The following MALRD1 variants were observed in gnomAD, a reference collection of about 807,000 sequenced individuals.
MALRD1 encodes MAM and LDL receptor class A domain containing 1, also known as MAM and LDL-receptor class A domain-containing protein 1.
Under a neutral mutation model 242.1 loss-of-function variants are expected in MALRD1, and 247 were observed. The observed-to-expected ratio is 1.02, with a 90% CI of 0.92 to 1.13. The LOEUF is 1.13. Among genes scored for constraint, MALRD1 ranks in the 50% most tolerant of loss-of-function variants. MALRD1 has a pLI of 0.00. For synonymous variants in MALRD1, 995 were observed against 866.6 expected (o/e 1.15, Z -2.60); for missense variants, 2,989 against 2,533.1 (o/e 1.18, Z -3.86).
At chr10:19,219,510 C>A (rs1837468573) in intron 18 of MALRD1, among the ~76,000 whole-genome samples, 1 of 152,052 alleles carries the variant, frequency 6.6e-6, no homozygotes, top group Non-Finnish European at 1.5e-5. Context: ...GTTCATAGTT[C>A]ACTGCAACCT....
intron 36 of MALRD1, among the ~76,000 whole-genome samples, chr10:19,618,166 C>CT (rs964669617): frequency 1.3e-5 from 2 of 151,790 alleles, no homozygotes; most frequent in South Asian, 2.1e-4. Context: ...GAATCTAATT[C>CT]TTTTTTTTAA....
chr10:19,164,171 A>G (rs1161186602), intron 12 of MALRD1, among the ~76,000 whole-genome samples: 2 of 151,362 alleles, frequency 1.3e-5, no homozygotes, highest in Non-Finnish European at 3.0e-5. Flanking sequence ...AAAATCTGAA[A>G]TGAAATAAAC....
intron 22 of MALRD1, among the ~76,000 whole-genome samples, chr10:19,326,609 A>G (rs886158914): frequency 2.0e-5 from 3 of 151,998 alleles, no homozygotes; most frequent in Admixed American, 6.6e-5. Flanking sequence ...TAATGTTCCA[A>G]ATTAATTTGA....
At chr10:19,278,654 G>A (rs1234086948) in intron 19 of MALRD1, among the ~76,000 whole-genome samples, 1 of 152,054 alleles carries the variant, frequency 6.6e-6, no homozygotes, top group Non-Finnish European at 1.5e-5. Context: ...CCAAATACCT[G>A]TAATGAAAGA....
chr10:19,717,881 G>T (rs561437120), intron 38 of MALRD1, among the ~76,000 whole-genome samples: 3 of 152,018 alleles, frequency 2.0e-5, no homozygotes, highest in African/African-American at 7.2e-5. Context: ...GTCAGGCATG[G>T]TGGTGCACAC....
At chr10:19,292,948 G>A (rs1451701392) in intron 21 of MALRD1, among the ~76,000 whole-genome samples, 3 of 150,434 alleles carry the variant, frequency 2.0e-5, no homozygotes, top group Non-Finnish European at 4.4e-5. Flanking sequence ...CTAACTCTGT[G>A]TATCCTTCTA....
chr10:19,586,853 G>A (rs4747379), intron 33 of MALRD1, among the ~76,000 whole-genome samples: 54,902 of 152,110 alleles, frequency 0.36, 11,196 homozygotes, highest in Non-Finnish European at 0.47. Flanking sequence ...TTTGATCTCA[G>A]ACTGCTGCGT....
chr10:19,165,265 A>ATATATATATATATATATATATTTT, intron 12 of MALRD1, among the ~76,000 whole-genome samples: 7 of 130,284 alleles, frequency 5.4e-5, no homozygotes, highest in African/African-American at 2.3e-4. Flanking sequence ...ATATATATAT[A>ATATATATATATATATATATATTTT]TTTTGTTTTG....
chr10:19,257,198 G>A (rs1045937448), intron 18 of MALRD1, among the ~76,000 whole-genome samples: 9 of 152,070 alleles, frequency 5.9e-5, no homozygotes, highest in African/African-American at 1.2e-4. Flanking sequence ...TACAGAATCA[G>A]TGTCATGTGA....
At chr10:19,214,722 A>G (rs1431361950) in intron 18 of MALRD1, among the ~76,000 whole-genome samples, 2 of 152,204 alleles carry the variant, frequency 1.3e-5, no homozygotes, top group Non-Finnish European at 2.9e-5. Context: ...TTAACTTAAG[A>G]AAAATGGGTG....
chr10:19,467,589 G>T (rs73595816), intron 29 of MALRD1, among the ~76,000 whole-genome samples: 7,094 of 151,394 alleles, frequency 0.047, 583 homozygotes, highest in African/African-American at 0.16. Flanking sequence ...GGGAAAGGAT[G>T]TAATTCACCC....
chr10:19,324,613 A>G (rs1843040734), intron 22 of MALRD1, among the ~76,000 whole-genome samples: 1 of 151,726 alleles, frequency 6.6e-6, no homozygotes, highest in South Asian at 2.1e-4. Context: ...TTTTTTTAAA[A>G]AAAAACGAGT....
chr10:19,542,675 A>T (rs1270744877), intron 32 of MALRD1, among the ~76,000 whole-genome samples: 1 of 152,146 alleles, frequency 6.6e-6, no homozygotes, highest in East Asian at 1.9e-4. Context: ...GTGTGAAAGA[A>T]TGATAGCTTC....
intron 36 of MALRD1, among the ~76,000 whole-genome samples, chr10:19,667,596 T>A (rs1332722010): frequency 1.4e-5 from 2 of 145,294 alleles, no homozygotes; most frequent in Non-Finnish European, 3.0e-5. Flanking sequence ...TCCCTGCCAC[T>A]CTCTCTCTCT....
At chr10:19,667,964 C>A (rs12217882) in intron 36 of MALRD1, among the ~76,000 whole-genome samples, 43,624 of 151,828 alleles carry the variant, frequency 0.29, 7,498 homozygotes, top group South Asian at 0.44. Context: ...ATAGATGGTG[C>A]CTTTTTGCTG....
At chr10:19,389,020 A>G (rs1296060717) in intron 27 of MALRD1, among the ~76,000 whole-genome samples, 1 of 152,172 alleles carries the variant, frequency 6.6e-6, no homozygotes, top group Non-Finnish European at 1.5e-5. Context: ...CTTTCTTCCC[A>G]TGTTACTTAC....
At position 19,574,413 on chromosome 10, in the gene MALRD1, T is replaced by C. The variant is rs16919091; in HGVS notation, c.5680+6710T>C. On this transcript the variant is annotated intron_variant, in intron 33 of 39. Coordinates refer to ENST00000454679, the MANE Select transcript of MALRD1 (RefSeq NM_001142308.3). ...CTATCAGATGAATTTATATGTTATA[T>C]GGCACCTCTCTCTTCATACTCACCA... Among the ~76,000 whole-genome samples, 4 of 152,312 alleles carry C rather than the reference T, an allele frequency of 2.6e-5. No individual in the cohort carries two copies. The East Asian group carries it at 7.7e-4, about 29-fold the overall frequency.
At chr10:19,522,940 T>C (rs7911194) in intron 31 of MALRD1, among the ~76,000 whole-genome samples, 1 of 152,090 alleles carries the variant, frequency 6.6e-6, no homozygotes, top group Non-Finnish European at 1.5e-5. Flanking sequence ...TGCTACCTTC[T>C]CTATAGTAGT....
chr10:19,673,643 T>C (rs529637968), intron 36 of MALRD1, among the ~76,000 whole-genome samples: 1 of 152,252 alleles, frequency 6.6e-6, no homozygotes, highest in African/African-American at 2.4e-5. Flanking sequence ...GATTACCTTT[T>C]CCTGAAACTT....
Sources: allele counts gnomAD v4.1 joint callset (sites outside exome capture counted in the v4.1 genomes callset), GRCh38; gene constraint gnomAD v4.1.1; transcripts MANE v1.5; gene names NCBI Gene and HGNC (gene_info 2026-07-23, HGNC 2026-07-21).